The following DOCK3 variants were observed in gnomAD, a reference collection of about 807,000 sequenced individuals.
The protein encoded by DOCK3 is dedicator of cytokinesis protein 3.
DOCK3 carries 60 observed loss-of-function variants against 265.6 expected under a neutral mutation model. That is an observed-to-expected ratio of 0.23 (90% CI 0.18 to 0.28). DOCK3 has a LOEUF of 0.28. DOCK3 is among the 10% of genes least tolerant of loss of function. The pLI is 1.00. For synonymous variants in DOCK3, 881 were observed against 938.0 expected (o/e 0.94, Z 1.11); for missense variants, 1,981 against 2,594.3 (o/e 0.76, Z 5.14).
chr3:51,042,223 A>C (rs1359704963), intron 5 of DOCK3, among the ~76,000 whole-genome samples: 1 of 152,226 alleles, frequency 6.6e-6, no homozygotes. Context: ...CACATCAAAA[A>C]GTGAATCTAC....
intron 12 of DOCK3, among the ~76,000 whole-genome samples, chr3:51,200,673 A>C (rs529119694): frequency 6.6e-6 from 1 of 152,056 alleles, no homozygotes; most frequent in East Asian, 1.9e-4. Context: ...TAGACAGAGA[A>C]CGCCACAAAG....
chr3:50,816,994 A>G (rs1371816321), intron 2 of DOCK3, among the ~76,000 whole-genome samples: 2 of 152,208 alleles, frequency 1.3e-5, no homozygotes, highest in Admixed American at 6.5e-5. Flanking sequence ...AAGCAGGTTT[A>G]TTAGGAAAGT....
chr3:51,054,279 A>G (rs1354092046), intron 5 of DOCK3, among the ~76,000 whole-genome samples: 1 of 152,122 alleles, frequency 6.6e-6, no homozygotes. Flanking sequence ...TTTTTAAAGC[A>G]TTGGTTCATT....
At chr3:50,920,400 C>G (rs2050376863) in intron 4 of DOCK3, among the ~76,000 whole-genome samples, 1 of 152,070 alleles carries the variant, frequency 6.6e-6, no homozygotes, top group Non-Finnish European at 1.5e-5. Flanking sequence ...GGTTGGTAGT[C>G]TATTAATTAT....
At chr3:51,063,298 A>G (rs1269592897) in intron 5 of DOCK3, among the ~76,000 whole-genome samples, 2 of 152,114 alleles carry the variant, frequency 1.3e-5, no homozygotes, top group Non-Finnish European at 2.9e-5. Context: ...CAGGAGTTGG[A>G]GACTGCAGTG....
intron 1 of DOCK3, among the ~76,000 whole-genome samples, chr3:50,678,703 A>G (rs2034162968): frequency 6.6e-6 from 1 of 151,504 alleles, no homozygotes; most frequent in Non-Finnish European, 1.5e-5. Flanking sequence ...GTGCAGCGGC[A>G]TGATCATAGC....
At chr3:51,114,074 G>C (rs528365184) in intron 9 of DOCK3, among the ~76,000 whole-genome samples, 1 of 150,744 alleles carries the variant, frequency 6.6e-6, no homozygotes, top group African/African-American at 2.4e-5. Flanking sequence ...GCATCACTGC[G>C]TTCAAGTCTG....
At chr3:50,729,175 G>A (rs1455470580) in intron 1 of DOCK3, among the ~76,000 whole-genome samples, 1 of 147,884 alleles carries the variant, frequency 6.8e-6, no homozygotes, top group Non-Finnish European at 1.5e-5. Context: ...ACAAAAATTA[G>A]CCAGGTGTGG....
intron 4 of DOCK3, among the ~76,000 whole-genome samples, chr3:50,892,812 C>A (rs944797814): frequency 6.6e-6 from 1 of 151,818 alleles, no homozygotes; most frequent in Non-Finnish European, 1.5e-5. Flanking sequence ...ATGCATCACT[C>A]TAGAAAAAAG....
At chr3:51,136,742 C>A (rs774525544) in intron 9 of DOCK3, among the ~76,000 whole-genome samples, 1 of 151,890 alleles carries the variant, frequency 6.6e-6, no homozygotes, top group Admixed American at 6.6e-5. Flanking sequence ...TAGAAAGAAC[C>A]CTTGCATTAT....
intron 1 of DOCK3, among the ~76,000 whole-genome samples, chr3:50,725,767 C>T (rs1179725763): frequency 5.9e-5 from 9 of 152,150 alleles, no homozygotes; most frequent in Non-Finnish European, 1.5e-5. Flanking sequence ...TACATTTTGA[C>T]CTGTCTGCTA....
intron 5 of DOCK3, among the ~76,000 whole-genome samples, chr3:51,027,081 G>A (rs2079855776): frequency 6.6e-6 from 1 of 152,052 alleles, no homozygotes; most frequent in Non-Finnish European, 1.5e-5. Flanking sequence ...TCTTCTTGAT[G>A]TAGGCATTTA....
intron 26 of DOCK3, among the ~76,000 whole-genome samples, chr3:51,279,642 A>G (rs368567810): frequency 6.6e-6 from 1 of 152,182 alleles, no homozygotes; most frequent in Non-Finnish European, 1.5e-5. Context: ...TGCCCAGTCC[A>G]GTAACCCTGT....
Position 50,980,746 on chromosome 3 carries a change from A to G in DOCK3, c.315+46669A>G, listed in dbSNP as rs556678542. Among the ~76,000 whole-genome samples, 310 of 152,222 alleles carry G rather than the reference A, an allele frequency of 2.0e-3. 5 individuals carry two copies. In the South Asian group the frequency reaches 0.059, roughly 29 times the overall value. On this transcript the variant is annotated intron_variant, in intron 5 of 52. Transcript: ENST00000266037. The stretch of plus-strand genomic sequence containing the variant: ...TGTAGGTTTTCTAATTTGTTAGTAT[A>G]TAGTTCATAATTCTCTGTAATTATA...
intron 5 of DOCK3, among the ~76,000 whole-genome samples, chr3:51,034,950 C>G (rs886450577): frequency 6.6e-6 from 1 of 152,030 alleles, no homozygotes; most frequent in African/African-American, 2.4e-5. Context: ...TATCAGTGAT[C>G]ATGTTCTGCT....
intron 9 of DOCK3, among the ~76,000 whole-genome samples, chr3:51,124,241 A>G (rs566607860): frequency 6.6e-5 from 10 of 152,240 alleles, no homozygotes; most frequent in African/African-American, 2.4e-4. Flanking sequence ...CGGTGCTGCT[A>G]TGCACTAGTA....
chr3:50,900,591 T>C (rs1239172577), intron 4 of DOCK3: 2 of 377,560 alleles, frequency 5.3e-6, no homozygotes, highest in African/African-American at 2.2e-5. Context: ...TTTATGCTGG[T>C]TTTTCCTCAT....
intron 6 of DOCK3, among the ~76,000 whole-genome samples, chr3:51,067,427 T>TTG (rs60551624): frequency 0.026 from 3,721 of 144,166 alleles, 166 homozygotes; most frequent in African/African-American, 0.085. Context: ...TGAAATATGT[T>TTG]TGTGTGTGTG....
At chr3:51,347,153 A>C (rs1028579934) in intron 38 of DOCK3, among the ~76,000 whole-genome samples, 1 of 152,184 alleles carries the variant, frequency 6.6e-6, no homozygotes, top group Non-Finnish European at 1.5e-5. Context: ...ATTAGATCCC[A>C]TCTGTCAACT....
Sources: allele counts gnomAD v4.1 joint callset (sites outside exome capture counted in the v4.1 genomes callset), GRCh38; gene constraint gnomAD v4.1.1; transcripts MANE v1.5; gene names NCBI Gene and HGNC (gene_info 2026-07-23, HGNC 2026-07-21).